CDK19: variants seen among roughly 807,000 people sequenced by gnomAD.
CDK19 encodes cyclin dependent kinase 19, also known as cyclin-dependent kinase 19.
CDK19 carries 20 observed loss-of-function variants against 68.3 expected under a neutral mutation model. That is an observed-to-expected ratio of 0.29 (90% CI 0.21 to 0.43). CDK19 has a LOEUF of 0.43. Ranked by LOEUF, CDK19 falls within the 20% of genes least tolerant of loss-of-function variation. The pLI is 1.00. For missense variants in CDK19, 339 were observed against 623.5 expected (o/e 0.54, Z 4.86); for synonymous variants, 221 against 222.8 (o/e 0.99, Z 0.07).
chr6:110,765,612 C>T (rs1342398915), intron 1 of CDK19, among the ~76,000 whole-genome samples: 2 of 135,586 alleles, frequency 1.5e-5, no homozygotes, highest in Non-Finnish European at 3.1e-5. Context: ...ACCCGGGAGG[C>T]GGAGGCTGCA....
chr6:110,680,249 G>T (rs150708180), intron 2 of CDK19, among the ~76,000 whole-genome samples: 1 of 152,220 alleles, frequency 6.6e-6, no homozygotes, highest in Non-Finnish European at 1.5e-5. Flanking sequence ...GAATATCTCA[G>T]GATGGGATCT....
chr6:110,801,750 A>G (rs879799482), intron 1 of CDK19, among the ~76,000 whole-genome samples: 4 of 152,182 alleles, frequency 2.6e-5, no homozygotes, highest in Non-Finnish European at 5.9e-5. Context: ...TGACCTCGTG[A>G]TCCACCTGCC....
chr6:110,739,040 G>A (rs992978271), intron 2 of CDK19, among the ~76,000 whole-genome samples: 4 of 152,206 alleles, frequency 2.6e-5, no homozygotes, highest in African/African-American at 9.6e-5. Context: ...ATGAGGAAGT[G>A]GAGTTAATCA....
intron 2 of CDK19, among the ~76,000 whole-genome samples, chr6:110,718,721 C>T (rs1385972250): frequency 6.6e-6 from 1 of 150,520 alleles, no homozygotes; most frequent in Non-Finnish European, 1.5e-5. Context: ...AAGACATTTT[C>T]AGGCAACAAG....
chr6:110,810,965 CCTTT>C, intron 1 of CDK19, among the ~76,000 whole-genome samples: 1 of 151,986 alleles, frequency 6.6e-6, no homozygotes, highest in Non-Finnish European at 1.5e-5. Context: ...GGTAAGATGG[CCTTT>C]TTTTGTTTTT....
In CDK19 at chr6:110,699,105, A is replaced by T. The variant is rs1773759810; in HGVS notation, c.205-28564T>A. On this transcript the variant is annotated intron_variant, in intron 2 of 12. Transcript: ENST00000368911. ...ATACACCATGAAATACTACTCAGTCATAAAAAAGAATGAAATAATGTCTTT... is the reference window on the plus strand; with the variant it reads ...ATACACCATGAAATACTACTCAGTCTTAAAAAAGAATGAAATAATGTCTTT... 2.6e-5 allele frequency among the ~76,000 whole-genome samples: 4 copies of T among 151,258 alleles called. No homozygotes were observed. In the South Asian group the frequency reaches 8.4e-4, roughly 32 times the overall value.
chr6:110,677,820 A>C (rs1269268189), intron 2 of CDK19, among the ~76,000 whole-genome samples: 1 of 152,074 alleles, frequency 6.6e-6, no homozygotes, highest in Non-Finnish European at 1.5e-5. Context: ...TTAGACCATA[A>C]GGTTCTTGAA....
chr6:110,644,764 G>A (rs1371389343), intron 4 of CDK19, among the ~76,000 whole-genome samples: 2 of 151,934 alleles, frequency 1.3e-5, no homozygotes, highest in Non-Finnish European at 2.9e-5. Flanking sequence ...CCTTCCTCTG[G>A]TGTTTTAGAA....
chr6:110,679,680 C>T (rs1197382325), intron 2 of CDK19, among the ~76,000 whole-genome samples: 1 of 152,014 alleles, frequency 6.6e-6, no homozygotes, highest in Admixed American at 6.6e-5. Flanking sequence ...CATCTTATAC[C>T]TGTATAACAG....
chr6:110,670,831 T>A (rs761456917), intron 2 of CDK19: 1 of 491,076 alleles, frequency 2.0e-6, no homozygotes, highest in African/African-American at 2.0e-5. Context: ...AAAAATAGGA[T>A]TTTAAATGGT....
chr6:110,646,800 C>G (rs1562156223), intron 4 of CDK19, among the ~76,000 whole-genome samples: 1 of 152,056 alleles, frequency 6.6e-6, no homozygotes, highest in Non-Finnish European at 1.5e-5. Context: ...GGGTGGCGGG[C>G]AAACCTTGGA....
chr6:110,623,229 G>T, intron 9 of CDK19, 61 bp downstream of exon 9: 1 of 1,357,998 alleles, frequency 7.4e-7, no homozygotes, highest in Non-Finnish European at 1.1e-6. Flanking sequence ...GAATAGCTGA[G>T]TAAATAGAAG....
At chr6:110,809,632 T>C (rs751773369) in intron 1 of CDK19, among the ~76,000 whole-genome samples, 37 of 152,378 alleles carry the variant, frequency 2.4e-4, no homozygotes, top group Admixed American at 9.8e-4. Flanking sequence ...AACATTACTG[T>C]ATTTCAGGCT....
At chr6:110,797,052 G>A (rs1178906056) in intron 1 of CDK19, among the ~76,000 whole-genome samples, 1 of 144,238 alleles carries the variant, frequency 6.9e-6, no homozygotes, top group African/African-American at 2.6e-5. Flanking sequence ...ATAAGAAATT[G>A]GATTTTTGGC....
chr6:110,629,229 C>T (rs969978170), intron 6 of CDK19, among the ~76,000 whole-genome samples: 7 of 152,192 alleles, frequency 4.6e-5, no homozygotes, highest in Admixed American at 6.5e-5. Context: ...GGTGGCAGTA[C>T]ATTCAAAGGT....
At chr6:110,730,683 G>C (rs1235423468) in intron 2 of CDK19, among the ~76,000 whole-genome samples, 1 of 152,160 alleles carries the variant, frequency 6.6e-6, no homozygotes, top group Non-Finnish European at 1.5e-5. Flanking sequence ...TTCTTCTGAG[G>C]CATCTTTGAA....
chr6:110,762,506 T>C (rs183110546), intron 1 of CDK19, among the ~76,000 whole-genome samples: 120 of 152,286 alleles, frequency 7.9e-4, no homozygotes, highest in African/African-American at 2.8e-3. Flanking sequence ...CATATACCTA[T>C]CCCACTAAGT....
At chr6:110,813,496 T>C (rs1449091085) in intron 1 of CDK19, 1 of 152,020 alleles carries the variant, frequency 6.6e-6, no homozygotes, top group Non-Finnish European at 1.5e-5. Flanking sequence ...ACAGGTGGAG[T>C]GGATATTCCA....
At chr6:110,705,078 T>A (rs952474629) in intron 2 of CDK19, among the ~76,000 whole-genome samples, 2 of 151,646 alleles carry the variant, frequency 1.3e-5, no homozygotes, top group African/African-American at 4.8e-5. Flanking sequence ...GTTTCACTCT[T>A]GTCACCCAGG....
Sources: gnomAD v4.1 joint callset for allele counts (sites outside exome capture counted in the v4.1 genomes callset) on GRCh38, gnomAD v4.1.1 for gene constraint, MANE v1.5 for transcripts, NCBI Gene and HGNC (gene_info 2026-07-23, HGNC 2026-07-21) for gene names.